Variants in SLC35F4 observed in about 807,000 individuals in gnomAD.
SLC35F4 encodes the protein chromosome 14 open reading frame 36.
Under a neutral mutation model 44.2 loss-of-function variants are expected in SLC35F4, and 24 were observed. That is an observed-to-expected ratio of 0.54 (90% CI 0.39 to 0.76). The LOEUF is 0.76. Ranked by LOEUF, SLC35F4 falls within the 30% of genes least tolerant of loss-of-function variation. The pLI, the probability that SLC35F4 is intolerant of heterozygous loss-of-function variation, is 0.00. For synonymous variants in SLC35F4, 238 were observed against 223.6 expected (o/e 1.06, Z -0.57); for missense variants, 562 against 586.1 (o/e 0.96, Z 0.42).
intron 1 of SLC35F4, among the ~76,000 whole-genome samples, chr14:57,916,079 TTC>T (rs2060974502): frequency 6.6e-6 from 1 of 152,198 alleles, no homozygotes; most frequent in Non-Finnish European, 1.5e-5. Context: ...TTTCTCACAG[TTC>T]TGGAGGTGAA....
At chr14:57,933,405 C>T (rs1195546425) in intron 1 of SLC35F4, among the ~76,000 whole-genome samples, 1 of 152,170 alleles carries the variant, frequency 6.6e-6, no homozygotes, top group Non-Finnish European at 1.5e-5. Flanking sequence ...TGATTTACAA[C>T]ACAGTCCTCC....
At chr14:57,792,031 G>A (rs1302473070) in intron 1 of SLC35F4, among the ~76,000 whole-genome samples, 1 of 151,936 alleles carries the variant, frequency 6.6e-6, no homozygotes, top group African/African-American at 2.4e-5. Context: ...GTTGATGGGG[G>A]CAGCAAACCA....
intron 1 of SLC35F4, among the ~76,000 whole-genome samples, chr14:57,963,271 G>A (rs942900776): frequency 2.8e-4 from 42 of 152,208 alleles, no homozygotes; most frequent in African/African-American, 9.9e-4. Flanking sequence ...CAGGTCAGGT[G>A]CTTGCTTCTT....
chr14:57,953,871 G>A (rs1218674536), intron 1 of SLC35F4, among the ~76,000 whole-genome samples: 3 of 152,136 alleles, frequency 2.0e-5, no homozygotes, highest in African/African-American at 7.2e-5. Flanking sequence ...AGATCAATGA[G>A]ACAGAAAATT....
At chr14:57,942,366 T>C (rs1033380060) in intron 1 of SLC35F4, among the ~76,000 whole-genome samples, 3 of 152,230 alleles carry the variant, frequency 2.0e-5, no homozygotes, top group African/African-American at 7.2e-5. Flanking sequence ...CTAGGCTGAA[T>C]TCATTTTGTA....
chr14:57,568,837 G>C (rs374089905), intron 6 of SLC35F4, among the ~76,000 whole-genome samples: 29 of 152,294 alleles, frequency 1.9e-4, no homozygotes, highest in African/African-American at 6.0e-4. Context: ...TGACCTCTGA[G>C]TAGCACGTGG....
At chr14:57,712,079 C>T (rs567238514) in intron 1 of SLC35F4, among the ~76,000 whole-genome samples, 18 of 152,170 alleles carry the variant, frequency 1.2e-4, no homozygotes, top group Non-Finnish European at 1.3e-4. Flanking sequence ...ATTGTCTCTA[C>T]TATACATTGA....
chr14:57,680,986 C>G (rs554500988), intron 1 of SLC35F4, among the ~76,000 whole-genome samples: 1 of 152,088 alleles, frequency 6.6e-6, no homozygotes. Flanking sequence ...ATCAAGCTAC[C>G]ATTGACTTTC....
At chr14:57,691,662 T>C (rs955599765) in intron 1 of SLC35F4, among the ~76,000 whole-genome samples, 1 of 152,368 alleles carries the variant, frequency 6.6e-6, no homozygotes, top group South Asian at 2.1e-4. Flanking sequence ...ATTTGTTTAT[T>C]ATGTTTTTCA....
At chr14:57,613,484 T>C (rs1018240414) in intron 1 of SLC35F4, among the ~76,000 whole-genome samples, 8 of 152,198 alleles carry the variant, frequency 5.3e-5, no homozygotes, top group Non-Finnish European at 7.3e-5. Context: ...AGTCACCCTA[T>C]CCTCCTGGAG....
chr14:57,942,688 C>T (rs747858512), intron 1 of SLC35F4, among the ~76,000 whole-genome samples: 1 of 152,150 alleles, frequency 6.6e-6, no homozygotes, highest in Admixed American at 6.5e-5. Flanking sequence ...ATACTTAAAA[C>T]TTAACTGTAA....
chr14:57,952,311 T>C (rs969884497), intron 1 of SLC35F4, among the ~76,000 whole-genome samples: 1 of 152,014 alleles, frequency 6.6e-6, no homozygotes, highest in Non-Finnish European at 1.5e-5. Flanking sequence ...CAAAGGTAGA[T>C]AAATCCACGA....
intron 1 of SLC35F4, among the ~76,000 whole-genome samples, chr14:57,926,643 T>C (rs997475664): frequency 5.4e-5 from 8 of 148,742 alleles, no homozygotes; most frequent in Non-Finnish European, 8.9e-5. Context: ...TAATAAACCT[T>C]ACAATTAATA....
chr14:57,914,683 G>A (rs1279531934), intron 1 of SLC35F4, among the ~76,000 whole-genome samples: 5 of 152,100 alleles, frequency 3.3e-5, no homozygotes, highest in African/African-American at 1.2e-4. Flanking sequence ...CTATTACAAT[G>A]GCAATAAAAC....
intron 1 of SLC35F4, among the ~76,000 whole-genome samples, chr14:57,620,784 C>G (rs1323048693): frequency 6.6e-6 from 1 of 152,156 alleles, no homozygotes; most frequent in Non-Finnish European, 1.5e-5. Context: ...TCTCACCACT[C>G]CTATTCAACA....
At chr14:57,564,433 C>G in intron 7 of SLC35F4, 57 bp from the exon 8 acceptor site, 2 of 1,546,820 alleles carry the variant, frequency 1.3e-6, no homozygotes, top group Non-Finnish European at 1.7e-6. Flanking sequence ...GCTTTGAAAA[C>G]AAGTCACCAA....
intron 1 of SLC35F4, among the ~76,000 whole-genome samples, chr14:57,665,167 G>A (rs967371006): frequency 4.0e-5 from 6 of 151,164 alleles, no homozygotes; most frequent in African/African-American, 1.2e-4. Flanking sequence ...CTTAAAGACT[G>A]GGAACAAGCT....
chr14:57,890,641 T>C (rs948529667), intron 1 of SLC35F4, among the ~76,000 whole-genome samples: 8 of 152,306 alleles, frequency 5.3e-5, no homozygotes, highest in African/African-American at 1.7e-4. Flanking sequence ...AAGCTCTTTT[T>C]CCCAATGTTC....
chr14:57,865,363 C>T (rs969835698), intron 1 of SLC35F4, among the ~76,000 whole-genome samples: 1 of 152,044 alleles, frequency 6.6e-6, no homozygotes, highest in African/African-American at 2.4e-5. Context: ...CTAGGGCTGA[C>T]TTTCCGCTAA....
Sources: allele counts gnomAD v4.1 joint callset (sites outside exome capture counted in the v4.1 genomes callset), GRCh38; gene constraint gnomAD v4.1.1; transcripts MANE v1.5; gene names NCBI Gene and HGNC (gene_info 2026-07-23, HGNC 2026-07-21).